Variants in GRB10 observed in about 807,000 individuals in gnomAD.
GRB10 encodes growth factor receptor bound protein 10, also known as growth factor receptor-bound protein 10.
Under a neutral mutation model 80.9 loss-of-function variants are expected in GRB10, and 20 were observed. The ratio of observed to expected loss-of-function variants is 0.25; its 90% CI spans 0.17 to 0.36. The LOEUF (loss-of-function observed/expected upper bound fraction) is 0.36, where lower values mean the gene tolerates loss of function less well. Ranked by LOEUF, GRB10 falls within the 10% of genes least tolerant of loss-of-function variation. The pLI is 1.00. For missense variants in GRB10, 548 were observed against 747.7 expected (o/e 0.73, Z 3.12); for synonymous variants, 291 against 291.5 (o/e 1.00, Z 0.02).
At chr7:50,747,102 G>A (rs112843602) in intron 3 of GRB10, among the ~76,000 whole-genome samples, 19 of 152,222 alleles carry the variant, frequency 1.2e-4, no homozygotes, top group South Asian at 6.2e-4. Context: ...TTTCTGCAGC[G>A]AAATTCTCTC....
chr7:50,658,030 T>A (rs2058824760), intron 7 of GRB10, among the ~76,000 whole-genome samples: 1 of 152,252 alleles, frequency 6.6e-6, no homozygotes, highest in Non-Finnish European at 1.5e-5. Flanking sequence ...GTGGCCTAGA[T>A]GGCCCATCTC....
upstream of GRB10, among the ~76,000 whole-genome samples, chr7:50,785,257 A>G (rs936918608): frequency 2.0e-5 from 3 of 152,210 alleles, no homozygotes; most frequent in Non-Finnish European, 4.4e-5. Context: ...TCAGCTTCTG[A>G]GCAATGTCCT....
intron 2 of GRB10, among the ~76,000 whole-genome samples, chr7:50,768,670 G>T (rs1338026130): frequency 6.6e-6 from 1 of 152,174 alleles, no homozygotes; most frequent in Non-Finnish European, 1.5e-5. Flanking sequence ...TCACCCATTG[G>T]TCAAGATCGT....
At chr7:50,623,093 G>A (rs1365695204) in intron 8 of GRB10, among the ~76,000 whole-genome samples, 1 of 152,192 alleles carries the variant, frequency 6.6e-6, no homozygotes, top group African/African-American at 2.4e-5. Context: ...CATGCTCGGG[G>A]CAGAAGGGAT....
chr7:50,751,226 A>G (rs2074054308), intron 3 of GRB10, among the ~76,000 whole-genome samples: 1 of 152,176 alleles, frequency 6.6e-6, no homozygotes, highest in Non-Finnish European at 1.5e-5. Flanking sequence ...CCTCAGCAGG[A>G]AGAAATCCAA....
At chr7:50,776,547 C>T (rs746133639) in intron 2 of GRB10, among the ~76,000 whole-genome samples, 4 of 152,130 alleles carry the variant, frequency 2.6e-5, no homozygotes, top group Admixed American at 6.5e-5. Flanking sequence ...TTATAAATTC[C>T]ATTTTCAATT....
rs78733217 is a variant in GRB10, at chr7:50,599,321, C to T, written c.1545-3791G>A. Among the ~76,000 whole-genome samples the T allele has an allele frequency of 0.013, 1,923 of 152,244 alleles. 84 individuals carry two copies. The East Asian group carries it at 0.14, about 11-fold the overall frequency. On this transcript the variant is annotated intron_variant, in intron 17 of 18. Coordinates refer to ENST00000401949, the MANE Select transcript of GRB10 (RefSeq NM_001350814.2). The stretch of plus-strand genomic sequence containing the variant: ...AAAATGCTGTTGTTATACTGTCTGT[C>T]CAGAATCTTGTGCTGTTTTTCGAGG...
chr7:50,774,492 A>G (rs1486551762), intron 2 of GRB10, among the ~76,000 whole-genome samples: 1 of 152,200 alleles, frequency 6.6e-6, no homozygotes, highest in Non-Finnish European at 1.5e-5. Flanking sequence ...GTGCCCTCAC[A>G]TGGCAGAATG....
chr7:50,788,194 C>T (rs928382425), intron 1 of GRB10, among the ~76,000 whole-genome samples: 3 of 152,196 alleles, frequency 2.0e-5, no homozygotes, highest in African/African-American at 7.2e-5. Context: ...GAACTCTTCA[C>T]TTACAAAAGG....
At chr7:50,767,821 T>A (rs1051639759) in intron 2 of GRB10, among the ~76,000 whole-genome samples, 6 of 152,196 alleles carry the variant, frequency 3.9e-5, no homozygotes, top group Admixed American at 2.6e-4. Flanking sequence ...TTCACAGACA[T>A]GACCCATCTA....
At chr7:50,766,608 T>C (rs1339542475) in intron 2 of GRB10, among the ~76,000 whole-genome samples, 1 of 152,158 alleles carries the variant, frequency 6.6e-6, no homozygotes, top group African/African-American at 2.4e-5. Flanking sequence ...GAGTAAATAG[T>C]TTGGAGTGGA....
chr7:50,624,643 A>G (rs2052545888), intron 8 of GRB10, among the ~76,000 whole-genome samples: 1 of 152,188 alleles, frequency 6.6e-6, no homozygotes, highest in African/African-American at 2.4e-5. Context: ...TGAAACTGGT[A>G]GCTCTAAAAA....
At chr7:50,756,365 A>G (rs1319321157) in intron 2 of GRB10, among the ~76,000 whole-genome samples, 1 of 152,144 alleles carries the variant, frequency 6.6e-6, no homozygotes, top group Non-Finnish European at 1.5e-5. Flanking sequence ...AAGCACACAG[A>G]CCTTTGCCCT....
intron 7 of GRB10, among the ~76,000 whole-genome samples, chr7:50,657,471 G>A (rs1333165378): frequency 2.0e-5 from 3 of 152,074 alleles, no homozygotes; most frequent in Non-Finnish European, 4.4e-5. Flanking sequence ...AACACTACCC[G>A]TGAACAAAAA....
intron 7 of GRB10, among the ~76,000 whole-genome samples, chr7:50,637,718 CA>C (rs59247142): frequency 0.34 from 49,779 of 148,364 alleles, 8,330 homozygotes; most frequent in Middle Eastern, 0.51. Flanking sequence ...TCATGTGGAA[CA>C]AAAAAAAAAA....
rs370559927 is a variant in GRB10, at chr7:50,614,844, C to T, written c.1021G>A (p.Asp341Asn). Residue 341 changes from aspartate to asparagine, a missense_variant, in exon 12 of 19, where the codon GAC becomes AAC. Transcript: ENST00000401949. The stretch of plus-strand genomic sequence containing the variant: ...GCGATCAGGGAGAAGATGTTGCTGT[C>T]CTCCAGGTCGGCCAGCAGCTGCAGG... ...RHLQLLADLE[D>N]SNIFSLIAGR... 52 of 1,613,870 alleles carry T rather than the reference C, an allele frequency of 3.2e-5. No homozygotes were observed. The highest frequency in any genetic ancestry group is 4.1e-5 in the Non-Finnish European group (48 of 1,179,976).
intron 3 of GRB10, among the ~76,000 whole-genome samples, chr7:50,741,962 C>T (rs2071841217): frequency 6.6e-6 from 1 of 151,556 alleles, no homozygotes; most frequent in Admixed American, 6.6e-5. Context: ...TTTTTATGCA[C>T]ACCAGTAAAG....
upstream of GRB10, among the ~76,000 whole-genome samples, chr7:50,787,066 T>TATA (rs1349110182): frequency 1.3e-5 from 2 of 152,164 alleles, no homozygotes; most frequent in Non-Finnish European, 2.9e-5. Flanking sequence ...AAAATCACAG[T>TATA]TATCACAGTA....
chr7:50,672,875 G>A (rs2060507304), intron 6 of GRB10, among the ~76,000 whole-genome samples: 1 of 152,160 alleles, frequency 6.6e-6, no homozygotes, highest in African/African-American at 2.4e-5. Context: ...TAAGTACAAG[G>A]GGTCACGCTT....
Sources: allele counts gnomAD v4.1 joint callset (sites outside exome capture counted in the v4.1 genomes callset), GRCh38; gene constraint gnomAD v4.1.1; transcripts MANE v1.5; gene names NCBI Gene and HGNC (gene_info 2026-07-23, HGNC 2026-07-21).